Variants in CNTNAP2 observed in about 807,000 individuals in gnomAD.
The protein encoded by CNTNAP2 is contactin associated protein 2, also known as contactin-associated protein-like 2.
A neutral mutation model predicts 155.2 loss-of-function variants in CNTNAP2; 98 were observed. That is an observed-to-expected ratio of 0.63 (90% CI 0.54 to 0.75). The LOEUF (loss-of-function observed/expected upper bound fraction) is 0.75. Among genes scored for constraint, CNTNAP2 ranks in the 30% least tolerant of loss-of-function variants. CNTNAP2 has a pLI of 0.00. For synonymous variants in CNTNAP2, 651 were observed against 631.2 expected, an observed-to-expected ratio of 1.03 and a Z score of -0.47; for missense variants, 1,727 against 1,688.1, an observed-to-expected ratio of 1.02 and a Z score of -0.40.
chr7:146,850,100 A>C (rs921125176), intron 3 of CNTNAP2, among the ~76,000 whole-genome samples: 3 of 152,180 alleles, frequency 2.0e-5, no homozygotes, highest in Non-Finnish European at 4.4e-5. Context: ...TAAATAGCTT[A>C]ATTATAGGCT....
intron 15 of CNTNAP2, among the ~76,000 whole-genome samples, chr7:148,037,665 A>AGG (rs1802596306): frequency 6.6e-6 from 1 of 151,944 alleles, no homozygotes; most frequent in East Asian, 1.9e-4. Flanking sequence ...AAAGAGAGAG[A>AGG]GAAGAACCAC....
At chr7:146,721,290 ATATT>A (rs1190226703) in intron 1 of CNTNAP2, among the ~76,000 whole-genome samples, 1 of 128,432 alleles carries the variant, frequency 7.8e-6, no homozygotes, top group Non-Finnish European at 1.6e-5. Flanking sequence ...TATTCTATAT[ATATT>A]CTATATATGT....
intron 1 of CNTNAP2, among the ~76,000 whole-genome samples, chr7:146,550,226 A>G (rs578081474): frequency 5.8e-4 from 88 of 152,000 alleles, no homozygotes; most frequent in Non-Finnish European, 1.0e-3. Context: ...CCATGTACCT[A>G]AGGGTCACCG....
At chr7:147,790,065 C>T (rs1489577119) in intron 13 of CNTNAP2, among the ~76,000 whole-genome samples, 1 of 152,106 alleles carries the variant, frequency 6.6e-6, no homozygotes, top group Admixed American at 6.5e-5. Flanking sequence ...AGTTCTGTCC[C>T]TCTAGAGAAC....
At chr7:147,117,146 C>T (rs535489836) in intron 5 of CNTNAP2, among the ~76,000 whole-genome samples, 29 of 152,220 alleles carry the variant, frequency 1.9e-4, no homozygotes, top group African/African-American at 6.3e-4. Context: ...GCAGACCTCC[C>T]GCCTTGCCTG....
intron 3 of CNTNAP2, among the ~76,000 whole-genome samples, chr7:146,899,198 G>A (rs1795942111): frequency 6.6e-6 from 1 of 152,108 alleles, no homozygotes; most frequent in Admixed American, 6.6e-5. Flanking sequence ...ACATTCTCAA[G>A]TAATTTTATC....
chr7:146,495,996 ACTT>A (rs1427981002), intron 1 of CNTNAP2, among the ~76,000 whole-genome samples: 1 of 152,126 alleles, frequency 6.6e-6, no homozygotes, highest in Non-Finnish European at 1.5e-5. Context: ...GCTCCTTCCT[ACTT>A]CTTATATTTG....
At chr7:146,956,943 G>A (rs913044044) in intron 3 of CNTNAP2, among the ~76,000 whole-genome samples, 11 of 152,100 alleles carry the variant, frequency 7.2e-5, no homozygotes, top group Non-Finnish European at 1.5e-4. Flanking sequence ...GTACAGCCAC[G>A]TGTCATTTAG....
chr7:147,591,766 G>A (rs750498175), intron 12 of CNTNAP2, among the ~76,000 whole-genome samples: 5 of 151,922 alleles, frequency 3.3e-5, no homozygotes, highest in Non-Finnish European at 7.4e-5. Flanking sequence ...ATGTCCACTG[G>A]CATACTGTAT....
intron 11 of CNTNAP2, among the ~76,000 whole-genome samples, chr7:147,507,746 A>C (rs919506400): frequency 1.3e-5 from 2 of 151,364 alleles, no homozygotes; most frequent in South Asian, 2.1e-4. Flanking sequence ...GTAGAGACGG[A>C]GTTTCACCAT....
At chr7:147,712,783 T>C (rs1276170195) in intron 13 of CNTNAP2, among the ~76,000 whole-genome samples, 3 of 152,128 alleles carry the variant, frequency 2.0e-5, no homozygotes, top group Non-Finnish European at 4.4e-5. Flanking sequence ...TTAGGAGATA[T>C]ACCTAATGTA....
chr7:146,269,697 A>T (rs1185552987), intron 1 of CNTNAP2, among the ~76,000 whole-genome samples: 2 of 152,358 alleles, frequency 1.3e-5, no homozygotes, highest in Middle Eastern at 3.4e-3. Context: ...AAGGGTAAAC[A>T]TATTTAAATA....
At chr7:147,280,290 A>G (rs553873228) in intron 8 of CNTNAP2, among the ~76,000 whole-genome samples, 92 of 152,042 alleles carry the variant, frequency 6.1e-4, no homozygotes, top group Non-Finnish European at 1.2e-3. Flanking sequence ...GAAAACAATA[A>G]CAAAAGCCCT....
rs931664774 is a variant in CNTNAP2 at position 148,182,300 on chromosome 7, T to G, written c.3010+9822T>G. ...TTTCTTTTGTGAGCCAAAAAGGAACTGGTCTGATAAATTGTCCTGAGGGTT... is the reference window on the plus strand; with the variant it reads ...TTTCTTTTGTGAGCCAAAAAGGAACGGGTCTGATAAATTGTCCTGAGGGTT... On this transcript the variant is annotated intron_variant, in intron 18 of 23. Coordinates refer to ENST00000361727, the MANE Select transcript of CNTNAP2 (RefSeq NM_014141.6). 2.6e-5 allele frequency among the ~76,000 whole-genome samples: 4 copies of G among 152,216 alleles called. No homozygotes were observed. The East Asian group carries it at 7.7e-4, about 29-fold the overall frequency.
intron 21 of CNTNAP2, among the ~76,000 whole-genome samples, chr7:148,340,620 T>C (rs1412641673): frequency 6.6e-6 from 1 of 152,242 alleles, no homozygotes; most frequent in South Asian, 2.1e-4. Context: ...TACCTAATCA[T>C]CACCATTAGC....
intron 21 of CNTNAP2, among the ~76,000 whole-genome samples, chr7:148,369,403 C>G (rs1046079481): frequency 8.6e-5 from 13 of 151,220 alleles, no homozygotes; most frequent in Non-Finnish European, 1.8e-4. Flanking sequence ...TGCCACTACA[C>G]CTGGCTAATT....
intron 1 of CNTNAP2, among the ~76,000 whole-genome samples, chr7:146,757,060 A>G (rs1275134730): frequency 2.0e-5 from 3 of 152,216 alleles, no homozygotes; most frequent in East Asian, 3.9e-4. Context: ...CTTAATATGA[A>G]CATTTCGAGT....
At chr7:146,420,216 T>C (rs1304612300) in intron 1 of CNTNAP2, among the ~76,000 whole-genome samples, 1 of 151,800 alleles carries the variant, frequency 6.6e-6, no homozygotes, top group Non-Finnish European at 1.5e-5. Context: ...TTTGAATTGG[T>C]TAAAAAACCC....
intron 1 of CNTNAP2, among the ~76,000 whole-genome samples, chr7:146,132,416 A>G (rs1004496600): frequency 6.6e-6 from 1 of 151,910 alleles, no homozygotes; most frequent in Non-Finnish European, 1.5e-5. Flanking sequence ...TTATTTGTTT[A>G]TTTATTTTTT....
Sources: gnomAD v4.1 joint callset for allele counts (sites outside exome capture counted in the v4.1 genomes callset) on GRCh38, gnomAD v4.1.1 for gene constraint, MANE v1.5 for transcripts, NCBI Gene and HGNC (gene_info 2026-07-23, HGNC 2026-07-21) for gene names.